The following RIMS3 variants were observed in gnomAD, a reference collection of about 807,000 sequenced individuals.
RIMS3 encodes regulating synaptic membrane exocytosis protein 3.
A neutral mutation model predicts 29.2 loss-of-function variants in RIMS3; 15 were observed. That is an observed-to-expected ratio of 0.51 (90% CI 0.34 to 0.79). The LOEUF (loss-of-function observed/expected upper bound fraction) is 0.79. RIMS3 is among the 30% of genes least tolerant of loss of function. RIMS3 has a pLI of 0.01. For missense variants in RIMS3, 342 were observed against 421.4 expected (o/e 0.81, Z 1.65); for synonymous variants, 161 against 170.1 (o/e 0.95, Z 0.41).
At position 40,654,051 on chromosome 1, in the gene RIMS3, C is replaced by A. The variant is rs190705879; in HGVS notation, c.-206-6209G>T. ...TGGATGGGACAATCTCTCCCCCTCC[C>A]ACACCCTCGCTGGGGGAGACACGGC... On this transcript the variant is annotated intron_variant, in intron 1 of 7. Coordinates refer to ENST00000372684, the MANE Select transcript of RIMS3 (RefSeq NM_014747.3). This position sits in a 1 kb window ranked among gnomAD's most constrained non-coding sequence, Gnocchi z 5.3. 1.1e-4 allele frequency among the ~76,000 whole-genome samples: 17 copies of A among 152,206 alleles called. No homozygotes were observed. In the East Asian group the frequency reaches 2.5e-3, roughly 23 times the overall value.
chr1:40,662,411 C>T (rs2148363286), intron 1 of RIMS3, among the ~76,000 whole-genome samples: 1 of 53,626 alleles, frequency 1.9e-5, no homozygotes, highest in East Asian at 3.1e-4. Flanking sequence ...GTGATAGGTT[C>T]CAGAGCCCAA....
At chr1:40,673,288 C>T in the RIMS3 span, 5 of 152,282 alleles carry the variant, frequency 3.3e-5, no homozygotes, top group African/African-American at 1.2e-4. Flanking sequence ...AAGCTCCCTC[C>T]TCTTGAATTT....
the RIMS3 span, chr1:40,691,649 C>T: frequency 2.3e-6 from 1 of 436,244 alleles, no homozygotes; most frequent in Non-Finnish European, 4.6e-6. Flanking sequence ...CTGCGCACCG[C>T]ACGATACTGG....
chr1:40,642,058 CCTCT>C lies in RIMS3; in HGVS notation c.-31-106_-31-103del, dbSNP rs984968976. The C allele has an allele frequency of 7.1e-6, 5 of 705,462 alleles. No individual in the cohort carries two copies. In the African/African-American group the frequency reaches 8.9e-5, roughly 13 times the overall value. The allele number at this position is 705,462 out of a possible 1,614,324, so 43.7% of individuals were successfully genotyped here. ...GCGTGACCTTGGGCTAGTCACTTGACCTCTCTGAGGCTATAAGGTTAAATGCACA... is the reference window on the plus strand; with the variant it reads ...GCGTGACCTTGGGCTAGTCACTTGACCTGAGGCTATAAGGTTAAATGCACA... On this transcript the variant is annotated intron_variant, in intron 2 of 7. Coordinates refer to ENST00000372684, the MANE Select transcript of RIMS3 (RefSeq NM_014747.3).
intron 1 of RIMS3, among the ~76,000 whole-genome samples, chr1:40,661,108 T>C (rs1642346421): frequency 1.3e-5 from 2 of 152,188 alleles, no homozygotes; most frequent in Non-Finnish European, 1.5e-5. Context: ...TGCTCTGCAG[T>C]TGGACAACCT....
rs1310840142 is a variant in RIMS3, at chr1:40,654,770, GCCCTCAGAGA to G, written c.-206-6938_-206-6929del. Among the ~76,000 whole-genome samples the G allele has an allele frequency of 6.6e-6, 1 of 151,862 alleles. No individual in the cohort carries two copies. The highest frequency in any genetic ancestry group is 1.5e-5 in the Non-Finnish European group (1 of 67,948). ...CACACACACAGTGCACACACAATAT[GCCCTCAGAGA>G]CCCTCAGACATATCTGTGAGTTACC... On this transcript the variant is annotated intron_variant, in intron 1 of 7. Transcript: ENST00000372684. This position sits in a 1 kb window ranked among gnomAD's most constrained non-coding sequence, Gnocchi z 5.3.
chr1:40,688,180 G>A, the RIMS3 span, among the ~76,000 whole-genome samples: 1 of 152,072 alleles, frequency 6.6e-6, no homozygotes, highest in African/African-American at 2.4e-5. Flanking sequence ...GATCAGGCTG[G>A]TCTCGAACTC....
chr1:40,668,102 T>G (rs1642446637), upstream of RIMS3, among the ~76,000 whole-genome samples: 1 of 151,742 alleles, frequency 6.6e-6, no homozygotes, highest in Non-Finnish European at 1.5e-5. Flanking sequence ...AATACAAAAA[T>G]TAGCTGGGTG....
intron 1 of RIMS3, among the ~76,000 whole-genome samples, chr1:40,655,416 C>CT (rs960155669): frequency 3.3e-5 from 5 of 152,160 alleles, no homozygotes; most frequent in African/African-American, 1.2e-4. Context: ...ATCCAGACAC[C>CT]TTATCTCCAT....
the RIMS3 span, chr1:40,673,328 G>A: frequency 6.6e-6 from 1 of 152,202 alleles, no homozygotes; most frequent in Non-Finnish European, 1.5e-5. Context: ...TGCACTCTCA[G>A]AGTCCATTCC....
chr1:40,634,169 G>T (rs1557668376), intron 4 of RIMS3, among the ~76,000 whole-genome samples: 1 of 152,066 alleles, frequency 6.6e-6, no homozygotes, highest in African/African-American at 2.4e-5. Context: ...CCAGGCTCCT[G>T]GCTGCAGAGA....
At chr1:40,677,917 A>AC in the RIMS3 span, among the ~76,000 whole-genome samples, 1 of 152,262 alleles carries the variant, frequency 6.6e-6, no homozygotes, top group Non-Finnish European at 1.5e-5. Context: ...TAGCTGTCCC[A>AC]CAGTGGCTTG....
In RIMS3 at chr1:40,636,056, T is replaced by C. The variant is rs748372668; in HGVS notation, c.219A>G (p.Glu73=). 1.2e-6 allele frequency: 2 copies of C among 1,602,746 alleles called. No individual in the cohort carries two copies. The highest frequency in any genetic ancestry group is 4.5e-5 in the East Asian group (2 of 44,872). ...SKSTLQLPQP[E]GATKKLRSNI... is the part of the protein sequence containing the mutation. The stretch of plus-strand genomic sequence containing the variant: ...TGCTGCGCAGCTTCTTGGTGGCCCC[T>C]TCTGTGACCCCCCCAACCCCAAGCA... The change falls in exon 4 of 8, where the codon GAA becomes GAG. Residue 73 remains glutamate (E), a splice_region_variant and synonymous_variant. Coordinates refer to ENST00000372684, the MANE Select transcript of RIMS3 (RefSeq NM_014747.3). This position sits in a 1 kb window ranked among gnomAD's most constrained non-coding sequence, Gnocchi z 4.2.
At chr1:40,690,420 G>A in the RIMS3 span, 26 of 151,788 alleles carry the variant, frequency 1.7e-4, no homozygotes, top group African/African-American at 5.6e-4. Context: ...AGAGTGCAGC[G>A]AGACACTCGT....
Position 40,641,675 on chromosome 1 carries a change from C to T in RIMS3, c.217+34G>A, listed in dbSNP as rs558885509. 21 of 1,603,566 alleles carry T rather than the reference C, an allele frequency of 1.3e-5. 1 individual carries two copies. In the South Asian group the frequency reaches 2.1e-4, roughly 16 times the overall value. ...TAGTCTGTCTTTGCGAAGTGTCCCC[C>T]ACCTCTACCCCGTGATGTCCCATGC... On this transcript the variant is annotated intron_variant, in intron 3 of 7. Coordinates refer to ENST00000372684, the MANE Select transcript of RIMS3 (RefSeq NM_014747.3).
intron 2 of RIMS3, among the ~76,000 whole-genome samples, chr1:40,642,196 A>C (rs2148350476): frequency 6.6e-6 from 1 of 152,348 alleles, no homozygotes; most frequent in Admixed American, 6.5e-5. Flanking sequence ...GAGAGGACCG[A>C]GGCTGTGGAG....
At chr1:40,648,829 C>A (rs914509679) in intron 1 of RIMS3, among the ~76,000 whole-genome samples, 2 of 152,150 alleles carry the variant, frequency 1.3e-5, no homozygotes, top group African/African-American at 4.8e-5. Context: ...TGAAGCTGTG[C>A]CAGCATCTCA....
chr1:40,636,949 G>A lies in RIMS3; in HGVS notation c.218-892C>T, dbSNP rs1258471174. Among the ~76,000 whole-genome samples the A allele has an allele frequency of 4.6e-5, 7 of 152,326 alleles. No individual in the cohort carries two copies. Among genetic ancestry groups the A allele is most frequent in the African/African-American group, 7.2e-5 (3 of 41,576 alleles). On this transcript the variant is annotated intron_variant, in intron 3 of 7. Transcript: ENST00000372684. This position sits in a 1 kb window ranked among gnomAD's most constrained non-coding sequence, Gnocchi z 4.2. ...ACACCCTCTCCTCCTGGCGGGGGGC[G>A]GATGGGGGAGATGGCCTGAGGGTTT...
chr1:40,689,545 G>A, the RIMS3 span, among the ~76,000 whole-genome samples: 1 of 152,044 alleles, frequency 6.6e-6, no homozygotes, highest in African/African-American at 2.4e-5. Context: ...CTCCCAAAGT[G>A]CTGGGATTAC....
Sources: allele counts gnomAD v4.1 joint callset (sites outside exome capture counted in the v4.1 genomes callset), GRCh38; gene constraint gnomAD v4.1.1; non-coding constraint Gnocchi (gnomAD v3.1); transcripts MANE v1.5; gene names NCBI Gene and HGNC (gene_info 2026-07-23, HGNC 2026-07-21).